ZNF536: variants seen among roughly 807,000 people sequenced by gnomAD.
ZNF536 encodes the protein zinc finger protein 536.
ZNF536 carries 13 observed loss-of-function variants against 84.5 expected under a neutral mutation model. That is an observed-to-expected ratio of 0.15 (90% CI 0.10 to 0.24). The LOEUF (loss-of-function observed/expected upper bound fraction) is 0.24, where lower values mean the gene tolerates loss of function less well. Ranked by LOEUF, ZNF536 falls within the 10% of genes least tolerant of loss-of-function variation. ZNF536 has a pLI of 1.00. For synonymous variants in ZNF536, 811 were observed against 742.5 expected (o/e 1.09, Z -1.50); for missense variants, 1,536 against 1,747.5 (o/e 0.88, Z 2.16).
At chr19:30,672,968 G>T (rs996624861) in intron 1 of ZNF536, among the ~76,000 whole-genome samples, 26 of 152,240 alleles carry the variant, frequency 1.7e-4, no homozygotes, top group Middle Eastern at 3.4e-3. Context: ...TATTCCTGGG[G>T]TGTTCACCCT....
At chr19:30,276,284 C>T (rs1245418560) in intron 1 of ZNF536, among the ~76,000 whole-genome samples, 1 of 152,096 alleles carries the variant, frequency 6.6e-6, no homozygotes. Flanking sequence ...CTTTTGCCAG[C>T]AAGCATGAGC....
chr19:30,504,276 C>T (rs192495323), intron 2 of ZNF536, among the ~76,000 whole-genome samples: 117 of 147,584 alleles, frequency 7.9e-4, no homozygotes, highest in African/African-American at 2.7e-3. Context: ...CCCTCCCTCC[C>T]TCTATCCCTC....
At chr19:30,229,776 C>A (rs1193232612) in intron 1 of ZNF536, among the ~76,000 whole-genome samples, 1 of 152,198 alleles carries the variant, frequency 6.6e-6, no homozygotes, top group Non-Finnish European at 1.5e-5. Context: ...ACGTCCTGCT[C>A]CCTGACAAAT....
intron 1 of ZNF536, among the ~76,000 whole-genome samples, chr19:30,421,451 A>G (rs2050953526): frequency 1.3e-5 from 2 of 152,112 alleles, no homozygotes; most frequent in South Asian, 4.2e-4. Flanking sequence ...GCAGTGGCAC[A>G]ATCAGAGCTC....
At chr19:30,517,348 G>T (rs1274911210) in intron 2 of ZNF536, among the ~76,000 whole-genome samples, 1 of 152,060 alleles carries the variant, frequency 6.6e-6, no homozygotes, top group East Asian at 1.9e-4. Flanking sequence ...GGGCTCCCAG[G>T]ATCATCTCGG....
chr19:30,476,560 A>G (rs1385893041), intron 2 of ZNF536, among the ~76,000 whole-genome samples: 2 of 152,214 alleles, frequency 1.3e-5, no homozygotes, highest in African/African-American at 4.8e-5. Flanking sequence ...GTGAAGGAAT[A>G]TTGCTTAACA....
exon 2 of ZNF536, chr19:30,710,881 C>T (rs1444907129): frequency 6.6e-6 from 1 of 152,254 alleles, no homozygotes; most frequent in Non-Finnish European, 1.5e-5. Flanking sequence ...ACCGCAGGTT[C>T]AAGCGCTCCA....
intron 1 of ZNF536, among the ~76,000 whole-genome samples, chr19:30,235,388 C>G (rs1399250306): frequency 6.6e-6 from 1 of 152,146 alleles, no homozygotes; most frequent in Non-Finnish European, 1.5e-5. Flanking sequence ...AATGTTAACC[C>G]GCCTTGAAAA....
chr19:30,650,163 A>G (rs979812921), intron 1 of ZNF536, among the ~76,000 whole-genome samples: 2 of 152,240 alleles, frequency 1.3e-5, no homozygotes, highest in Non-Finnish European at 2.9e-5. Flanking sequence ...ATTGTGCAGA[A>G]AGGCTGAAGC....
intron 1 of ZNF536, among the ~76,000 whole-genome samples, chr19:30,258,550 C>T (rs1175514845): frequency 1.3e-5 from 2 of 152,150 alleles, no homozygotes; most frequent in Non-Finnish European, 2.9e-5. Context: ...GCTTTATCAC[C>T]ACCACTCCTC....
intron 1 of ZNF536, among the ~76,000 whole-genome samples, chr19:30,637,997 C>G (rs1268352393): frequency 6.6e-6 from 1 of 152,162 alleles, no homozygotes; most frequent in African/African-American, 2.4e-5. Flanking sequence ...ACCCAAACAT[C>G]CTTGTGGCTT....
intron 1 of ZNF536, among the ~76,000 whole-genome samples, chr19:30,584,843 C>A (rs976965747): frequency 6.6e-6 from 1 of 152,184 alleles, no homozygotes; most frequent in Admixed American, 6.5e-5. Flanking sequence ...CGCCTGCAAT[C>A]CCTGCACTTT....
In ZNF536 at chr19:30,491,550, C is replaced by CCCCTG. The variant is rs2054509578; in HGVS notation, c.2171-43292_2171-43288dup. The stretch of plus-strand genomic sequence containing the variant: ...GGGATCAGACCCACTTCATCTGTGT[C>CCCCTG]CCCTGCCCTCCCCTCCCGGCAGTCC... On this transcript the variant is annotated intron_variant, in intron 2 of 4. Transcript: ENST00000355537. 2.0e-5 allele frequency among the ~76,000 whole-genome samples: 3 copies of CCCCTG among 152,208 alleles called. No individual in the cohort carries two copies. The South Asian group carries it at 6.2e-4, about 31-fold the overall frequency.
chr19:30,635,572 A>C (rs1350789082), intron 1 of ZNF536, among the ~76,000 whole-genome samples: 1 of 152,058 alleles, frequency 6.6e-6, no homozygotes, highest in Non-Finnish European at 1.5e-5. Flanking sequence ...TGCAAGGTGC[A>C]GGGGGAGCAT....
chr19:30,579,867 A>G (rs998360271), intron 1 of ZNF536, among the ~76,000 whole-genome samples: 7 of 152,068 alleles, frequency 4.6e-5, no homozygotes, highest in African/African-American at 1.7e-4. Flanking sequence ...CTTTCCTACA[A>G]CCACCTGCTT....
intron 2 of ZNF536, among the ~76,000 whole-genome samples, chr19:30,318,368 C>T (rs1448188858): frequency 1.3e-5 from 2 of 152,202 alleles, no homozygotes; most frequent in Non-Finnish European, 2.9e-5. Flanking sequence ...ACCGGGCAAA[C>T]CACACGTAGG....
chr19:30,423,180 C>G (rs1486922310), intron 1 of ZNF536, among the ~76,000 whole-genome samples: 1 of 149,666 alleles, frequency 6.7e-6, no homozygotes, highest in Admixed American at 6.7e-5. Context: ...TAACCATCTT[C>G]TATTTAGCCC....
chr19:30,400,420 T>C (rs1305298448), intron 1 of ZNF536, among the ~76,000 whole-genome samples: 1 of 152,234 alleles, frequency 6.6e-6, no homozygotes, highest in Non-Finnish European at 1.5e-5. Flanking sequence ...GAATTTTAAC[T>C]GTTTTAATCA....
At chr19:30,713,519 T>C (rs1401071092) in exon 2 of ZNF536, 1 of 152,186 alleles carries the variant, frequency 6.6e-6, no homozygotes, top group African/African-American at 2.4e-5. Flanking sequence ...GTATAGAAAG[T>C]ATTAAAAGTT....
Sources: gnomAD v4.1 joint callset for allele counts (sites outside exome capture counted in the v4.1 genomes callset) on GRCh38, gnomAD v4.1.1 for gene constraint, MANE v1.5 for transcripts, NCBI Gene and HGNC (gene_info 2026-07-23, HGNC 2026-07-21) for gene names.